CLNK: variants seen among roughly 807,000 people sequenced by gnomAD.
CLNK encodes the protein cytokine dependent hematopoietic cell linker.
Under a neutral mutation model 68.6 loss-of-function variants are expected in CLNK, and 74 were observed. The observed-to-expected ratio is 1.08, with a 90% CI of 0.89 to 1.31. The LOEUF (loss-of-function observed/expected upper bound fraction) is 1.31, where lower values mean the gene tolerates loss of function less well. CLNK is among the 50% of genes most tolerant of loss of function. The probability of loss-of-function intolerance (pLI) is 0.00; values close to 1 mark genes in which losing one functional copy is unlikely to be tolerated. For synonymous variants in CLNK, 198 were observed against 172.2 expected, an observed-to-expected ratio of 1.15 and a Z score of -1.17; for missense variants, 553 against 515.3, an observed-to-expected ratio of 1.07 and a Z score of -0.71.
At chr4:10,522,807 A>G (rs1209138437) in intron 14 of CLNK, among the ~76,000 whole-genome samples, 1 of 152,240 alleles carries the variant, frequency 6.6e-6, no homozygotes, top group African/African-American at 2.4e-5. Flanking sequence ...CTGTAGTAGT[A>G]AAAGGTCATG....
At chr4:10,504,760 C>T (rs1358568761) in intron 17 of CLNK, among the ~76,000 whole-genome samples, 4 of 151,996 alleles carry the variant, frequency 2.6e-5, no homozygotes, top group Admixed American at 1.3e-4. Flanking sequence ...AACTCTGAAA[C>T]GATTTGTCAA....
the CLNK span, among the ~76,000 whole-genome samples, chr4:10,720,443 T>G: frequency 2.0e-5 from 3 of 151,982 alleles, no homozygotes; most frequent in Admixed American, 2.0e-4. Flanking sequence ...CGAACAGATA[T>G]TTCGGAAGAG....
chr4:10,616,640 A>G (rs1386411179), intron 2 of CLNK, among the ~76,000 whole-genome samples: 2 of 152,118 alleles, frequency 1.3e-5, no homozygotes, highest in African/African-American at 4.8e-5. Flanking sequence ...GCAAAAATCA[A>G]TGAAATCATT....
chr4:10,496,997 G>C lies in CLNK; in HGVS notation c.1140+4259C>G, dbSNP rs59132753. 5.9e-3 allele frequency among the ~76,000 whole-genome samples: 901 copies of C among 152,244 alleles called. 11 individuals are homozygous for C. Among genetic ancestry groups the C allele is most frequent in the African/African-American group, 0.021 (855 of 41,530 alleles). The stretch of plus-strand genomic sequence containing the variant: ...TTCATTCTTTCCTTGCTTTGTTTGT[G>C]TGTTTTGTCCAATTCTTTGTTCAAG... On this transcript the variant is annotated intron_variant, in intron 18 of 18. Coordinates refer to ENST00000226951, the MANE Select transcript of CLNK (RefSeq NM_052964.4).
At chr4:10,503,468 A>C (rs1203090188) in intron 17 of CLNK, among the ~76,000 whole-genome samples, 4 of 150,630 alleles carry the variant, frequency 2.7e-5, no homozygotes, top group Non-Finnish European at 4.4e-5. Flanking sequence ...TCTCAAAAAA[A>C]AAAAAGTATG....
chr4:10,689,745 AT>A (rs71651341), upstream of CLNK, among the ~76,000 whole-genome samples: 88 of 100,054 alleles, frequency 8.8e-4, no homozygotes, highest in Middle Eastern at 6.4e-3. Flanking sequence ...AAACCCATGC[AT>A]TTTTTTTTTT....
chr4:10,487,840 C>G lies in CLNK; in HGVS notation c.*2627G>C, dbSNP rs1427485412. ...ACTCCCCACACCTCCCCTCTTCCCT[C>G]TCACAGGTGGGAGCCTGAAAGCCCA... On this transcript the variant is annotated 3_prime_UTR_variant, in exon 19 of 19. Transcript: ENST00000226951. 1 of 152,164 alleles carries G rather than the reference C, an allele frequency of 6.6e-6. No homozygotes were observed. Among genetic ancestry groups the G allele is most frequent in the Non-Finnish European group, 1.5e-5 (1 of 68,060 alleles). 9.4% of individuals were successfully genotyped at this position (152,164 alleles called of 1,614,324 possible).
chr4:10,673,119 G>A (rs999828764), intron 1 of CLNK, among the ~76,000 whole-genome samples: 1 of 152,216 alleles, frequency 6.6e-6, no homozygotes, highest in Non-Finnish European at 1.5e-5. Context: ...TTTATAGGCA[G>A]TGAAGAAGTA....
At chr4:10,690,291 G>A in the CLNK span, among the ~76,000 whole-genome samples, 5 of 152,118 alleles carry the variant, frequency 3.3e-5, no homozygotes, top group African/African-American at 1.2e-4. Flanking sequence ...AACCCAACAT[G>A]GGTAAATCCA....
intron 18 of CLNK, among the ~76,000 whole-genome samples, chr4:10,498,651 A>T (rs1376944812): frequency 6.6e-6 from 1 of 152,126 alleles, no homozygotes; most frequent in Non-Finnish European, 1.5e-5. Context: ...TATTAAAATG[A>T]CTCAGGAATA....
rs755548294 is a variant in CLNK, at chr4:10,584,917, C to G, written c.112+10G>C. The G allele has an allele frequency of 1.2e-6, 2 of 1,613,588 alleles. No individual in the cohort carries two copies. The highest frequency in any genetic ancestry group is 2.2e-5 in the South Asian group (2 of 90,966). On this transcript the variant is annotated intron_variant, in intron 4 of 18. Transcript: ENST00000226951. ...TCCCACCACTTAGGTGACAGAGAGCCCCGACTCACCTGTGGCACTATTGAT... is the reference window on the plus strand; with the variant it reads ...TCCCACCACTTAGGTGACAGAGAGCGCCGACTCACCTGTGGCACTATTGAT...
At chr4:10,694,246 C>T in the CLNK span, among the ~76,000 whole-genome samples, 5 of 151,220 alleles carry the variant, frequency 3.3e-5, no homozygotes, top group Admixed American at 1.3e-4. Context: ...AATTTCTATC[C>T]GGCCAGGTGG....
rs1288379203 is a variant in CLNK at position 10,537,702 on chromosome 4, C to CTTT, written c.602+2791_602+2792insAAA. On this transcript the variant is annotated intron_variant, in intron 11 of 18. Coordinates refer to ENST00000226951, the MANE Select transcript of CLNK (RefSeq NM_052964.4). ...TTCTTCCTTCCTTCCTTCCTTCCTTCCTTCCTTTCTTTCTTTCTTTCTTTC... is the reference window on the plus strand; with the variant it reads ...TTCTTCCTTCCTTCCTTCCTTCCTTCTTTCTTCCTTTCTTTCTTTCTTTCTTTC... Among the ~76,000 whole-genome samples, 29 of 23,104 alleles carry CTTT rather than the reference C, an allele frequency of 1.3e-3. 2 individuals are homozygous for CTTT. The highest frequency in any genetic ancestry group is 5.2e-3 in the South Asian group (3 of 572). The allele number at this position is 23,104 out of a possible 152,430, so 15.2% of individuals were successfully genotyped here. A position where few individuals can be genotyped will look rare whatever the true frequency, so the allele number is the denominator to read the frequency against.
At chr4:10,497,371 C>A (rs1716855333) in intron 18 of CLNK, among the ~76,000 whole-genome samples, 1 of 152,100 alleles carries the variant, frequency 6.6e-6, no homozygotes, top group Non-Finnish European at 1.5e-5. Context: ...TTGATTCATT[C>A]TTTCACCTGT....
At chr4:10,522,773 T>TA (rs1328802765) in intron 14 of CLNK, among the ~76,000 whole-genome samples, 3 of 152,256 alleles carry the variant, frequency 2.0e-5, no homozygotes, top group Admixed American at 2.0e-4. Context: ...AATGTTATGG[T>TA]AAAGGTGTGC....
At chr4:10,525,792 G>A in intron 14 of CLNK, 49 bp downstream of exon 14, 5 of 1,104,182 alleles carry the variant, frequency 4.5e-6, no homozygotes, top group Non-Finnish European at 6.7e-6. Flanking sequence ...GACAGCACAT[G>A]GCCTGACCCC....
intron 11 of CLNK, among the ~76,000 whole-genome samples, chr4:10,538,488 T>G (rs1718886454): frequency 6.6e-6 from 1 of 152,210 alleles, no homozygotes; most frequent in Admixed American, 6.5e-5. Context: ...GATCAGTCCT[T>G]TACGTATTAG....
intron 8 of CLNK, among the ~76,000 whole-genome samples, chr4:10,552,030 TA>T (rs2108814703): frequency 6.6e-6 from 1 of 152,134 alleles, no homozygotes; most frequent in African/African-American, 2.4e-5. Flanking sequence ...TGTGCTTTTT[TA>T]TTTTTTAGTA....
intron 14 of CLNK, among the ~76,000 whole-genome samples, chr4:10,521,406 T>C (rs1313628905): frequency 6.6e-6 from 1 of 152,216 alleles, no homozygotes; most frequent in Admixed American, 6.5e-5. Context: ...CATCAGTGGC[T>C]TTTCTTAGCA....
Sources: gnomAD v4.1 joint callset for allele counts (sites outside exome capture counted in the v4.1 genomes callset) on GRCh38, gnomAD v4.1.1 for gene constraint, MANE v1.5 for transcripts, NCBI Gene and HGNC (gene_info 2026-07-23, HGNC 2026-07-21) for gene names.